SPATA16: variants seen among roughly 807,000 people sequenced by gnomAD.
SPATA16 encodes the protein spermatogenesis-associated protein 16.
SPATA16 carries 36 observed loss-of-function variants against 63.3 expected under a neutral mutation model. That is an observed-to-expected ratio of 0.57 (90% confidence interval 0.44 to 0.75). SPATA16 has a LOEUF of 0.75. SPATA16 is among the 30% of genes least tolerant of loss of function. The probability of loss-of-function intolerance (pLI) is 0.00; values close to 1 mark genes in which losing one functional copy is unlikely to be tolerated. For synonymous variants in SPATA16, 203 were observed against 216.7 expected (o/e 0.94, Z 0.56); for missense variants, 646 against 679.3 (o/e 0.95, Z 0.54).
intron 4 of SPATA16, among the ~76,000 whole-genome samples, chr3:173,004,032 G>A (rs1315873434): frequency 6.6e-6 from 1 of 152,136 alleles, no homozygotes; most frequent in African/African-American, 2.4e-5. Context: ...TGGCTTGACC[G>A]TGATTCTCTA....
chr3:172,899,731 C>T (rs6780591), intron 10 of SPATA16, among the ~76,000 whole-genome samples: 8,831 of 152,040 alleles, frequency 0.058, 504 homozygotes, highest in African/African-American at 0.15. Flanking sequence ...AAACATTTTT[C>T]AGAATTCCAT....
At chr3:173,137,810 C>A (rs1250685231) in intron 1 of SPATA16, among the ~76,000 whole-genome samples, 2 of 137,768 alleles carry the variant, frequency 1.5e-5, no homozygotes, top group South Asian at 2.4e-4. Flanking sequence ...GAGGGGGATC[C>A]CATGGACTCT....
intron 2 of SPATA16, among the ~76,000 whole-genome samples, chr3:173,070,429 C>T (rs1736643922): frequency 6.7e-6 from 1 of 150,128 alleles, no homozygotes. Context: ...CTACTTTCAC[C>T]ACTTTTATTC....
chr3:172,934,492 A>G (rs1353110001), intron 6 of SPATA16, among the ~76,000 whole-genome samples: 1 of 152,152 alleles, frequency 6.6e-6, no homozygotes, highest in Non-Finnish European at 1.5e-5. Context: ...TGTCATTCAC[A>G]ATGTTCTTAA....
intron 6 of SPATA16, among the ~76,000 whole-genome samples, chr3:172,954,365 A>C (rs1733521039): frequency 6.6e-6 from 1 of 152,172 alleles, no homozygotes; most frequent in Admixed American, 6.5e-5. Flanking sequence ...AACCACCCCC[A>C]TGATTCAATT....
At chr3:173,040,184 T>G (rs1735807531) in intron 3 of SPATA16, among the ~76,000 whole-genome samples, 1 of 152,144 alleles carries the variant, frequency 6.6e-6, no homozygotes, top group Non-Finnish European at 1.5e-5. Context: ...GGATCCTGTT[T>G]CTTGTGTTCA....
chr3:173,041,323 G>A (rs1054129896), intron 3 of SPATA16, among the ~76,000 whole-genome samples: 2 of 152,072 alleles, frequency 1.3e-5, no homozygotes, highest in Admixed American at 6.6e-5. Context: ...TATTTAATTG[G>A]AAGAAACAAT....
chr3:172,930,967 C>T (rs1014105695), intron 6 of SPATA16, among the ~76,000 whole-genome samples: 2 of 151,826 alleles, frequency 1.3e-5, no homozygotes, highest in South Asian at 2.1e-4. Context: ...GGATTACAGG[C>T]GCCTGCCACC....
At chr3:172,997,507 C>G (rs956867871) in intron 4 of SPATA16, among the ~76,000 whole-genome samples, 8 of 151,946 alleles carry the variant, frequency 5.3e-5, no homozygotes, top group Non-Finnish European at 8.8e-5. Context: ...TTTTGGATAA[C>G]AGTTCTTTAT....
At chr3:172,983,383 G>A (rs1734366637) in intron 4 of SPATA16, among the ~76,000 whole-genome samples, 2 of 145,656 alleles carry the variant, frequency 1.4e-5, no homozygotes, top group South Asian at 4.3e-4. Flanking sequence ...ATTTATTTAA[G>A]TTTCTCCTTT....
intron 4 of SPATA16, among the ~76,000 whole-genome samples, chr3:173,000,896 T>C (rs955733118): frequency 6.6e-6 from 1 of 152,188 alleles, no homozygotes; most frequent in Non-Finnish European, 1.5e-5. Flanking sequence ...TTTCTTAGAA[T>C]TTTCATTCTT....
At chr3:173,122,386 C>T (rs1306914150) in intron 1 of SPATA16, among the ~76,000 whole-genome samples, 1 of 152,064 alleles carries the variant, frequency 6.6e-6, no homozygotes, top group African/African-American at 2.4e-5. Context: ...ATTAGTACCA[C>T]AGCTTATTTA....
chr3:173,127,821 T>G (rs529530172), intron 1 of SPATA16, among the ~76,000 whole-genome samples: 4 of 152,342 alleles, frequency 2.6e-5, no homozygotes, highest in Admixed American at 6.5e-5. Context: ...TTACATGCAG[T>G]CTGTAGGAAG....
At chr3:173,119,390 C>T (rs1420363163) in intron 1 of SPATA16, among the ~76,000 whole-genome samples, 8 of 152,198 alleles carry the variant, frequency 5.3e-5, no homozygotes, top group Non-Finnish European at 1.2e-4. Flanking sequence ...AGAACCATAA[C>T]TGTTCCTATG....
At chr3:173,010,402 C>T (rs1171623886) in intron 4 of SPATA16, among the ~76,000 whole-genome samples, 1 of 151,886 alleles carries the variant, frequency 6.6e-6, no homozygotes, top group Non-Finnish European at 1.5e-5. Context: ...GCATAGCTGC[C>T]CCACCCGGCC....
intron 6 of SPATA16, among the ~76,000 whole-genome samples, chr3:172,930,342 A>C (rs915781906): frequency 1.8e-4 from 27 of 152,084 alleles, no homozygotes; most frequent in African/African-American, 6.0e-4. Context: ...CTCTAGTATC[A>C]ACCTTTATAA....
Position 173,089,114 on chromosome 3 carries a change from T to C in SPATA16, c.612+28006A>G, listed in dbSNP as rs139620464. Among the ~76,000 whole-genome samples, 342 of 152,268 alleles carry C rather than the reference T, an allele frequency of 2.2e-3. 3 individuals are homozygous for C. The highest frequency in any genetic ancestry group is 7.7e-3 in the African/African-American group (320 of 41,544). On this transcript the variant is annotated intron_variant, in intron 2 of 10. Transcript: ENST00000351008. The stretch of plus-strand genomic sequence containing the variant: ...GACCCTTGAACTTTGAGATCCCCGA[T>C]TTCTCATGCCTAAATAAGAGATAGG...
At chr3:173,105,807 C>CCCTTCCTTCCTT (rs34064036) in intron 2 of SPATA16, among the ~76,000 whole-genome samples, 3 of 147,114 alleles carry the variant, frequency 2.0e-5, no homozygotes, top group Non-Finnish European at 3.0e-5. Context: ...CTCCCTTCCT[C>CCCTTCCTTCCTT]CCTTCCTTCC....
At chr3:172,913,862 CT>C (rs1732424500) in intron 9 of SPATA16, 118 bp from the exon 10 acceptor site, 1 of 880,298 alleles carries the variant, frequency 1.1e-6, no homozygotes, top group African/African-American at 1.7e-5. Context: ...TATTACTCAT[CT>C]TTCCTACAAT....
Sources: gnomAD v4.1 joint callset for allele counts (sites outside exome capture counted in the v4.1 genomes callset) on GRCh38, gnomAD v4.1.1 for gene constraint, MANE v1.5 for transcripts, NCBI Gene and HGNC (gene_info 2026-07-23, HGNC 2026-07-21) for gene names.